ZNF16: variants seen among roughly 807,000 people sequenced by gnomAD.
The protein encoded by ZNF16 is zinc finger protein 16.
Under a neutral mutation model 9.0 loss-of-function variants are expected in ZNF16, and 7 were observed. The ratio of observed to expected loss-of-function variants is 0.78; its 90% confidence interval spans 0.44 to 1.47. The LOEUF is 1.47. Ranked by LOEUF, ZNF16 falls within the 40% of genes most tolerant of loss-of-function variation. The probability of loss-of-function intolerance (pLI) is 0.01; values close to 1 mark genes in which losing one functional copy is unlikely to be tolerated. For synonymous variants in ZNF16, 312 were observed against 301.5 expected (o/e 1.03, Z -0.36); for missense variants, 830 against 854.2 (o/e 0.97, Z 0.35).
rs780886979 is a variant in ZNF16 at position 144,931,260 on chromosome 8, G to A, written c.1527C>T (p.Gly509=). The change falls in exon 3 of 3, where the codon GGC becomes GGT. Residue 509 remains glycine (G), a synonymous_variant. Coordinates refer to ENST00000394909, the MANE Select transcript of ZNF16 (RefSeq NM_006958.3). ...CGTAGGGCTTGTCGCCTGTGTGCAC[G>A]CCCTGGTGCTGAATGAGGGCTGAGC... is the stretch of plus-strand genomic sequence containing the variant. ...SHSSALIQHQ[G]VHTGDKPYAC... is the part of the protein sequence containing the mutation. The A allele has an allele frequency of 7.4e-6, 12 of 1,613,300 alleles. No homozygotes were observed. In the Admixed American group the frequency reaches 8.3e-5, roughly 11 times the overall value.
intron 2 of ZNF16, among the ~76,000 whole-genome samples, chr8:144,938,189 G>A (rs558447071): frequency 3.9e-5 from 6 of 152,350 alleles, no homozygotes; most frequent in South Asian, 2.1e-4. Flanking sequence ...AGCAAGTTTT[G>A]AAAGTGGAAA....
At position 144,932,248 on chromosome 8, in the gene ZNF16, G is replaced by A; in HGVS notation, c.539C>T (p.Pro180Leu). The change falls in exon 3 of 3, where the codon CCA (proline) becomes CTA (leucine). Residue 180 changes from proline to leucine, a missense_variant. Coordinates refer to ENST00000394909, the MANE Select transcript of ZNF16 (RefSeq NM_006958.3). The surrounding 1 kb of genome is among the most constrained non-coding windows in gnomAD (Gnocchi z 5.0). ...CTGGCCACCCATGTCATATGGATGT[G>A]GCCTCTCTTCTGTAGGGATTTCCTG... ...ACQEIPTEER[P>L]HPYDMGGQSF... 4 of 1,614,168 alleles carry A rather than the reference G, an allele frequency of 2.5e-6. No homozygotes were observed. Among genetic ancestry groups the A allele is most frequent in the Non-Finnish European group, 3.4e-6 (4 of 1,180,030 alleles).
intron 2 of ZNF16, chr8:144,944,047 C>G (rs748032453): frequency 3.4e-5 from 5 of 149,180 alleles, no homozygotes; most frequent in Non-Finnish European, 7.4e-5. Context: ...TCTTTTAGTT[C>G]TCTATGGTTT....
chr8:144,941,042 T>TG (rs985183263), intron 2 of ZNF16, among the ~76,000 whole-genome samples: 2 of 151,908 alleles, frequency 1.3e-5, no homozygotes, highest in African/African-American at 2.4e-5. Context: ...GGGGAGGGGT[T>TG]GGGGGGGACA....
In ZNF16 at chr8:144,931,944, A is replaced by G. The variant is rs1234768276; in HGVS notation, c.843T>C (p.Ser281=). The stretch of plus-strand genomic sequence containing the variant: ...CACTGCTGTGGTGACTCTGATGCCT[A>G]GAAAAGTCTGAGTGCCCTCGGAAGG... The part of the protein sequence containing the change: ...GKAFRGHSDF[S]RHQSHHSSER... Residue 281 remains serine (S), a synonymous_variant, in exon 3 of 3, where the codon TCT becomes TCC. Transcript: ENST00000394909. The G allele has an allele frequency of 9.3e-6, 15 of 1,613,436 alleles. No homozygotes were observed. Among genetic ancestry groups the G allele is most frequent in the Non-Finnish European group, 1.3e-5 (15 of 1,179,550 alleles).
intron 1 of ZNF16, among the ~76,000 whole-genome samples, chr8:144,949,063 G>A (rs1366350675): frequency 1.3e-5 from 2 of 152,208 alleles, no homozygotes; most frequent in Non-Finnish European, 2.9e-5. Flanking sequence ...AAACAGATTC[G>A]GCCAACAGCC....
intron 2 of ZNF16, among the ~76,000 whole-genome samples, chr8:144,934,211 T>G (rs1019431361): frequency 1.3e-5 from 2 of 152,178 alleles, no homozygotes; most frequent in African/African-American, 4.8e-5. Context: ...TGCACCCACG[T>G]GTCTCTTGGT....
intron 2 of ZNF16, 177 bp downstream of exon 2, chr8:144,945,834 A>C: frequency 7.9e-7 from 1 of 1,273,100 alleles, no homozygotes; most frequent in Non-Finnish European, 1.0e-6. Context: ...TCAAGGTGCC[A>C]GGGGCCAGGC....
At chr8:144,937,931 G>C (rs983177605) in intron 2 of ZNF16, among the ~76,000 whole-genome samples, 3 of 152,094 alleles carry the variant, frequency 2.0e-5, no homozygotes, top group African/African-American at 7.2e-5. Flanking sequence ...GACTCCCAAA[G>C]TGCTGGGATT....
chr8:144,945,977 T>C, intron 2 of ZNF16, 34 bp downstream of exon 2: 1 of 1,610,090 alleles, frequency 6.2e-7, no homozygotes, highest in Non-Finnish European at 8.5e-7. Context: ...TTCCCCAGAA[T>C]AAGGGCACCA....
rs985381897 is a variant in ZNF16 at position 144,945,994 on chromosome 8, A to G, written c.196+17T>C. On this transcript the variant is annotated intron_variant, in intron 2 of 2. Transcript: ENST00000394909. The stretch of plus-strand genomic sequence containing the variant: ...CCCCAGAATAAGGGCACCAGCGGAG[A>G]ACTGTTCTTAAAGTACCTGGCTGCT... 5 of 1,612,952 alleles carry G rather than the reference A, an allele frequency of 3.1e-6. No homozygotes were observed. The highest frequency in any genetic ancestry group is 4.2e-6 in the Non-Finnish European group (5 of 1,179,476).
chr8:144,935,208 AT>A (rs11306065), intron 2 of ZNF16, among the ~76,000 whole-genome samples: 53,822 of 150,838 alleles, frequency 0.36, 11,955 homozygotes, highest in South Asian at 0.56. Context: ...TTTAAGAAAA[AT>A]TTTTTTTTTG....
At chr8:144,937,195 G>A (rs1175344476) in intron 2 of ZNF16, among the ~76,000 whole-genome samples, 2 of 134,508 alleles carry the variant, frequency 1.5e-5, no homozygotes, top group Non-Finnish European at 3.1e-5. Flanking sequence ...CATCCAGGCT[G>A]GAGTACACTG....
intron 1 of ZNF16, among the ~76,000 whole-genome samples, chr8:144,947,559 C>G (rs570771595): frequency 6.6e-6 from 1 of 152,290 alleles, no homozygotes; most frequent in African/African-American, 2.4e-5. Flanking sequence ...CATTATGTGT[C>G]AACGCCTACC....
intron 1 of ZNF16, among the ~76,000 whole-genome samples, chr8:144,949,431 T>C (rs532199195): frequency 7.9e-5 from 12 of 152,288 alleles, no homozygotes; most frequent in South Asian, 2.1e-4. Flanking sequence ...AACCACCCCA[T>C]CGCACTGCTG....
In ZNF16 at chr8:144,932,128, C is replaced by T. The variant is rs1236854668; in HGVS notation, c.659G>A (p.Gly220Glu). Reference sequence around the variant, plus strand: ...TTGACGCTGAATAAGGTCAGGATTTCCTTGGAAGGTTTTCCCACACTCATT... The same window carrying T: ...TTGACGCTGAATAAGGTCAGGATTTTCTTGGAAGGTTTTCCCACACTCATT... ...ICNECGKTFQ[G>E]NPDLIQRQIV... is the part of the protein sequence containing the mutation. Residue 220 changes from glycine to glutamate, a missense_variant, in exon 3 of 3, where the codon GGA (glycine) becomes GAA (glutamate). By Grantham distance (98) the Gly-to-Glu change is moderately conservative. Coordinates refer to ENST00000394909, the MANE Select transcript of ZNF16 (RefSeq NM_006958.3). This position sits in a 1 kb window ranked among gnomAD's most constrained non-coding sequence, Gnocchi z 5.0. 6.2e-7 allele frequency: 1 copy of T among 1,614,094 alleles called. No homozygotes were observed. Among genetic ancestry groups the T allele is most frequent in the Non-Finnish European group, 8.5e-7 (1 of 1,180,028 alleles).
chr8:144,942,693 C>T (rs1300553740), intron 2 of ZNF16, among the ~76,000 whole-genome samples: 1 of 152,206 alleles, frequency 6.6e-6, no homozygotes, highest in African/African-American at 2.4e-5. Flanking sequence ...AAAATCTCTG[C>T]TTCTCTACAG....
chr8:144,930,743 C>A lies in ZNF16; in HGVS notation c.2044G>T (p.Glu682Ter). 1 of 1,526,168 alleles carries A rather than the reference C, an allele frequency of 6.6e-7. No individual in the cohort carries two copies. The highest frequency in any genetic ancestry group is 8.8e-7 in the Non-Finnish European group (1 of 1,139,334). The allele number at this position is 1,526,168 out of a possible 1,614,324, so 94.5% of individuals were successfully genotyped here. A position where few individuals can be genotyped will look rare whatever the true frequency, so the allele number is the denominator to read the frequency against. The change falls in exon 3 of 3, where the codon GAA becomes TAA. Residue 682 changes from glutamate (E) to a stop codon, truncating the protein, a stop_gained. Coordinates refer to ENST00000394909, the MANE Select transcript of ZNF16 (RefSeq NM_006958.3). LOFTEE classifies it high-confidence loss of function. ...LIKHQLIHTRE is the reference protein window; with the variant it reads ...LIKHQLIHTR Reference sequence around the variant, plus strand: ...ACTCCTGCCAGCCCAACAGCCTATTCCCTGGTGTGAATCAACTGGTGTTTG... The same window carrying A: ...ACTCCTGCCAGCCCAACAGCCTATTACCTGGTGTGAATCAACTGGTGTTTG...
intron 1 of ZNF16, among the ~76,000 whole-genome samples, chr8:144,947,463 C>T (rs1181387233): frequency 6.6e-6 from 1 of 152,172 alleles, no homozygotes; most frequent in Non-Finnish European, 1.5e-5. Context: ...TGAAGCTGGG[C>T]AGGCCAGACC....
Sources: allele counts gnomAD v4.1 joint callset (sites outside exome capture counted in the v4.1 genomes callset), GRCh38; gene constraint gnomAD v4.1.1; non-coding constraint Gnocchi (gnomAD v3.1); transcripts MANE v1.5; gene names NCBI Gene and HGNC (gene_info 2026-07-23, HGNC 2026-07-21).